TBC1D5: variants seen among roughly 807,000 people sequenced by gnomAD.
TBC1D5 encodes the protein TBC1 domain family, member 5.
In TBC1D5, 75 loss-of-function variants were observed where a neutral mutation model predicts 100.3. The observed-to-expected ratio is 0.75, with a 90% CI of 0.62 to 0.91. The LOEUF (loss-of-function observed/expected upper bound fraction) is 0.91, where lower values mean the gene tolerates loss of function less well. Among genes scored for constraint, TBC1D5 ranks in the 40% least tolerant of loss-of-function variants. The pLI, the probability that TBC1D5 is intolerant of heterozygous loss-of-function variation, is 0.00. For synonymous variants in TBC1D5, 323 were observed against 325.6 expected, an observed-to-expected ratio of 0.99 and a Z score of 0.09; for missense variants, 910 against 942.4, an observed-to-expected ratio of 0.97 and a Z score of 0.45.
At chr3:17,288,216 C>T (rs758300156) in intron 15 of TBC1D5, among the ~76,000 whole-genome samples, 2 of 152,160 alleles carry the variant, frequency 1.3e-5, no homozygotes, top group Non-Finnish European at 2.9e-5. Flanking sequence ...ATTAACAACA[C>T]TGAAAACCCC....
chr3:17,557,828 A>G (rs1312811109), intron 2 of TBC1D5, among the ~76,000 whole-genome samples: 2 of 152,194 alleles, frequency 1.3e-5, no homozygotes, highest in African/African-American at 4.8e-5. Flanking sequence ...AATTTTAGTA[A>G]AACAACCAGG....
intron 3 of TBC1D5, among the ~76,000 whole-genome samples, chr3:17,485,528 T>TC (rs2095554541): frequency 7.4e-6 from 1 of 134,324 alleles, no homozygotes; most frequent in African/African-American, 2.7e-5. Context: ...AGTGTGATGT[T>TC]CCCCTTCCTG....
chr3:17,619,403 G>C (rs898075708), intron 2 of TBC1D5, among the ~76,000 whole-genome samples: 1 of 152,098 alleles, frequency 6.6e-6, no homozygotes, highest in Admixed American at 6.5e-5. Context: ...AAACAGTGTA[G>C]GACTGCTACA....
At chr3:17,703,249 CAT>C (rs1307522075) in intron 1 of TBC1D5, among the ~76,000 whole-genome samples, 2 of 151,082 alleles carry the variant, frequency 1.3e-5, no homozygotes, top group African/African-American at 2.4e-5. Context: ...TACATTTGTA[CAT>C]ATGTTTTTTA....
intron 13 of TBC1D5, among the ~76,000 whole-genome samples, chr3:17,311,088 A>G (rs2083978902): frequency 6.6e-6 from 1 of 152,044 alleles, no homozygotes; most frequent in Non-Finnish European, 1.5e-5. Flanking sequence ...TATTCTTGGA[A>G]AGAAAAACTT....
intron 13 of TBC1D5, among the ~76,000 whole-genome samples, chr3:17,335,740 G>T (rs1169734445): frequency 6.6e-6 from 1 of 152,012 alleles, no homozygotes; most frequent in South Asian, 2.1e-4. Context: ...AATTACTCAG[G>T]GGGGGTTTCA....
In TBC1D5 at chr3:17,603,501, G is replaced by T. The variant is rs550002849; in HGVS notation, c.-36+20348C>A. ...GTAACATCTGGAATCTACCCTATAT[G>T]ATTAAAAGGGGGAGGAACTCTCAGT... On this transcript the variant is annotated intron_variant, in intron 2 of 21. Transcript: ENST00000253692. Among the ~76,000 whole-genome samples the T allele has an allele frequency of 6.6e-5, 10 of 152,160 alleles. No homozygotes were observed. The East Asian group carries it at 1.9e-3, about 29-fold the overall frequency.
At chr3:17,430,331 T>C (rs182088498) in intron 3 of TBC1D5, among the ~76,000 whole-genome samples, 2 of 151,862 alleles carry the variant, frequency 1.3e-5, no homozygotes, top group African/African-American at 4.8e-5. Context: ...ACCAATAGAA[T>C]AGTTCTTCCT....
intron 3 of TBC1D5, among the ~76,000 whole-genome samples, chr3:17,445,466 T>C (rs2094768202): frequency 6.6e-6 from 1 of 152,146 alleles, no homozygotes; most frequent in African/African-American, 2.4e-5. Flanking sequence ...TATTTTATTA[T>C]TACATTCAAA....
At chr3:17,367,555 AGAC>A in intron 13 of TBC1D5, among the ~76,000 whole-genome samples, 1 of 152,260 alleles carries the variant, frequency 6.6e-6, no homozygotes, top group East Asian at 1.9e-4. Flanking sequence ...GGCAAACAAA[AGAC>A]AACTCAATAT....
At chr3:17,462,300 T>C (rs1220849041) in intron 3 of TBC1D5, among the ~76,000 whole-genome samples, 1 of 151,676 alleles carries the variant, frequency 6.6e-6, no homozygotes, top group Non-Finnish European at 1.5e-5. Context: ...CCACGTGCTA[T>C]ATTTAAATGT....
intron 2 of TBC1D5, among the ~76,000 whole-genome samples, chr3:17,549,084 G>C (rs945038405): frequency 2.0e-5 from 3 of 149,358 alleles, no homozygotes; most frequent in Non-Finnish European, 4.5e-5. Context: ...GATCACCTGA[G>C]GTCAGGAGTT....
chr3:17,446,375 A>G (rs1198032980), intron 3 of TBC1D5, among the ~76,000 whole-genome samples: 4 of 152,150 alleles, frequency 2.6e-5, no homozygotes, highest in Admixed American at 2.0e-4. Context: ...TGACAAATCT[A>G]TTGCATTGGT....
intron 18 of TBC1D5, among the ~76,000 whole-genome samples, chr3:17,205,809 G>A (rs760986741): frequency 1.3e-5 from 2 of 152,128 alleles, no homozygotes; most frequent in Admixed American, 6.6e-5. Context: ...GTGTCAGCCC[G>A]CTTGAGAGAA....
At chr3:17,209,489 C>T (rs184568265) in intron 18 of TBC1D5, among the ~76,000 whole-genome samples, 1 of 152,144 alleles carries the variant, frequency 6.6e-6, no homozygotes, top group African/African-American at 2.4e-5. Context: ...TGATTTCTCT[C>T]GAGAGTATTA....
rs76874882 is a variant in TBC1D5, at chr3:17,714,900, G to A, written c.-101+24443C>T. ...AGTGTTGATCCCCATTACATTACAG[G>A]ATCCTTCAGGACAAAAATTCTGTCT... On this transcript the variant is annotated intron_variant, in intron 1 of 21. Coordinates refer to ENST00000253692, the Ensembl canonical transcript of TBC1D5. 8.4e-3 allele frequency among the ~76,000 whole-genome samples: 1,284 copies of A among 152,186 alleles called. 17 individuals carry two copies. Among genetic ancestry groups the A allele is most frequent in the African/African-American group, 0.029 (1,215 of 41,518 alleles).
At chr3:17,427,109 C>T (rs904244285) in intron 4 of TBC1D5, among the ~76,000 whole-genome samples, 7 of 152,040 alleles carry the variant, frequency 4.6e-5, no homozygotes, top group African/African-American at 1.7e-4. Flanking sequence ...TTATATTATA[C>T]TTCAGGACTC....
chr3:17,317,937 T>C (rs896175129), intron 13 of TBC1D5, among the ~76,000 whole-genome samples: 1 of 152,062 alleles, frequency 6.6e-6, no homozygotes, highest in Non-Finnish European at 1.5e-5. Context: ...CGTATGTTTA[T>C]TGCGGCACTA....
rs188821724 is a variant in TBC1D5 at position 17,309,283 on chromosome 3, T to C, written c.996-1149A>G. ...ACTGTATACTCACAAATATGTATCATAGTTTATTAGGAACCATGTGATTAA... is the reference window on the plus strand; with the variant it reads ...ACTGTATACTCACAAATATGTATCACAGTTTATTAGGAACCATGTGATTAA... On this transcript the variant is annotated intron_variant, in intron 13 of 21. Coordinates refer to ENST00000253692, the Ensembl canonical transcript of TBC1D5. Among the ~76,000 whole-genome samples, 118 of 152,104 alleles carry C rather than the reference T, an allele frequency of 7.8e-4. 2 individuals are homozygous for C. In the East Asian group the frequency reaches 0.012, roughly 15 times the overall value.
Sources: allele counts gnomAD v4.1 joint callset (sites outside exome capture counted in the v4.1 genomes callset), GRCh38; gene constraint gnomAD v4.1.1; transcripts MANE v1.5; gene names NCBI Gene and HGNC (gene_info 2026-07-23, HGNC 2026-07-21).